Variants in CSMD1 observed in about 807,000 individuals in gnomAD.
CSMD1 encodes the protein CUB and sushi domain-containing protein 1.
CSMD1 carries 213 observed loss-of-function variants against 417.5 expected under a neutral mutation model. That is an observed-to-expected ratio of 0.51 (90% CI 0.46 to 0.57). The LOEUF (loss-of-function observed/expected upper bound fraction) is 0.57, where lower values mean the gene tolerates loss of function less well. Among genes scored for constraint, CSMD1 ranks in the 20% least tolerant of loss-of-function variants. The pLI, the probability that CSMD1 is intolerant of heterozygous loss-of-function variation, is 0.00. For synonymous variants in CSMD1, 2,862 were observed against 1,736.8 expected, an observed-to-expected ratio of 1.65 and a Z score of -16.11; for missense variants, 6,923 against 4,529.7, an observed-to-expected ratio of 1.53 and a Z score of -15.17.
At chr8:3,792,597 C>T (rs1799812160) in intron 5 of CSMD1, among the ~76,000 whole-genome samples, 1 of 152,150 alleles carries the variant, frequency 6.6e-6, no homozygotes, top group African/African-American at 2.4e-5. Flanking sequence ...ATACCTTCCT[C>T]TTCCTTTCAC....
intron 5 of CSMD1, among the ~76,000 whole-genome samples, chr8:3,900,363 ACAGCT>A (rs1004210601): frequency 1.4e-5 from 2 of 142,022 alleles, no homozygotes; most frequent in African/African-American, 5.4e-5. Flanking sequence ...GGTTGACAGC[ACAGCT>A]GTGTGACAGT....
intron 2 of CSMD1, among the ~76,000 whole-genome samples, chr8:4,466,715 A>G (rs546022092): frequency 2.0e-5 from 3 of 152,296 alleles, no homozygotes; most frequent in East Asian, 3.9e-4. Context: ...AAATTTTAAA[A>G]TGGTGTACAA....
intron 1 of CSMD1, among the ~76,000 whole-genome samples, chr8:4,647,295 G>T (rs1256292154): frequency 6.7e-6 from 1 of 150,230 alleles, no homozygotes; most frequent in South Asian, 2.1e-4. Flanking sequence ...TGCACAAACT[G>T]CAGGTTTGTT....
At chr8:4,750,180 T>C (rs1276925175) in intron 1 of CSMD1, among the ~76,000 whole-genome samples, 1 of 151,972 alleles carries the variant, frequency 6.6e-6, no homozygotes, top group East Asian at 1.9e-4. Context: ...TAATTTTTTT[T>C]GTATTTTTAG....
intron 14 of CSMD1, among the ~76,000 whole-genome samples, 183 bp downstream of exon 14, chr8:3,407,716 C>A (rs58959537): frequency 0.061 from 9,335 of 152,220 alleles, 339 homozygotes; most frequent in East Asian, 0.16. Context: ...TATCTAAATA[C>A]AGTGATACAT....
chr8:3,422,509 G>A (rs150131693), intron 12 of CSMD1, among the ~76,000 whole-genome samples: 1 of 152,098 alleles, frequency 6.6e-6, no homozygotes, highest in African/African-American at 2.4e-5. Context: ...ATTTTAAAAG[G>A]TATACTACTG....
rs759278450 is a variant in CSMD1 at position 4,865,704 on chromosome 8, G to C, written c.85+128628C>G. Among the ~76,000 whole-genome samples the C allele has an allele frequency of 2.0e-5, 3 of 151,684 alleles. No homozygotes were observed. The East Asian group carries it at 5.8e-4, about 29-fold the overall frequency. On this transcript the variant is annotated intron_variant, in intron 1 of 69. Transcript: ENST00000635120. The stretch of plus-strand genomic sequence containing the variant: ...AGGGGTACTTCCATCAATCAGATTT[G>C]TTCTAATGCAAAATGTATCTAAATT...
intron 1 of CSMD1, among the ~76,000 whole-genome samples, chr8:4,693,133 G>C (rs932281779): frequency 1.3e-5 from 2 of 152,172 alleles, no homozygotes; most frequent in Admixed American, 6.5e-5. Flanking sequence ...CTGAGTGTCA[G>C]GGTTGCTCTC....
At chr8:3,697,049 G>A (rs537089677) in intron 7 of CSMD1, among the ~76,000 whole-genome samples, 2 of 152,298 alleles carry the variant, frequency 1.3e-5, no homozygotes, top group South Asian at 2.1e-4. Flanking sequence ...ATTGAGGGCA[G>A]ACACAAGGTA....
intron 28 of CSMD1, among the ~76,000 whole-genome samples, chr8:3,221,998 C>T (rs1008339925): frequency 6.6e-6 from 1 of 152,152 alleles, no homozygotes; most frequent in Non-Finnish European, 1.5e-5. Context: ...GCTGGACATC[C>T]TCATCCCCTA....
At chr8:4,890,775 T>C (rs1299288777) in intron 1 of CSMD1, among the ~76,000 whole-genome samples, 1 of 152,048 alleles carries the variant, frequency 6.6e-6, no homozygotes, top group Non-Finnish European at 1.5e-5. Flanking sequence ...GCGCAATCAC[T>C]TTTGCACCGA....
chr8:3,548,629 C>A (rs912794264), intron 10 of CSMD1, among the ~76,000 whole-genome samples: 1 of 149,012 alleles, frequency 6.7e-6, no homozygotes, highest in African/African-American at 2.5e-5. Flanking sequence ...ATTAATTCAA[C>A]CCTTTTCACG....
chr8:4,672,847 G>A (rs774053733), intron 1 of CSMD1, among the ~76,000 whole-genome samples: 9 of 151,924 alleles, frequency 5.9e-5, no homozygotes, highest in Non-Finnish European at 1.0e-4. Flanking sequence ...ATGTAGTGAC[G>A]TACACATATG....
intron 47 of CSMD1, among the ~76,000 whole-genome samples, chr8:3,092,435 A>T (rs1815007572): frequency 6.6e-6 from 1 of 152,222 alleles, no homozygotes; most frequent in Admixed American, 6.5e-5. Context: ...AAACATGCAT[A>T]ACCATGACCC....
chr8:3,244,683 C>A (rs1285107014), intron 26 of CSMD1, among the ~76,000 whole-genome samples: 1 of 152,254 alleles, frequency 6.6e-6, no homozygotes, highest in African/African-American at 2.4e-5. Flanking sequence ...ACAATCTGAG[C>A]CCTTTATCAC....
At position 3,826,797 on chromosome 8, in the gene CSMD1, AT is replaced by A. The variant is rs571655544; in HGVS notation, c.819-72756del. Among the ~76,000 whole-genome samples, 1,404 of 152,108 alleles carry A rather than the reference AT, an allele frequency of 9.2e-3. 33 individuals are homozygous for A. The highest frequency in any genetic ancestry group is 0.031 in the African/African-American group (1,271 of 41,486). On this transcript the variant is annotated intron_variant, in intron 5 of 69. Coordinates refer to ENST00000635120, the MANE Select transcript of CSMD1 (RefSeq NM_033225.6). Reference sequence around the variant, plus strand: ...ATTTTTATTTATTTTTAATTTTAATATTTTTTTGAGACAGGGTCTCACTCTG... The same window carrying A: ...ATTTTTATTTATTTTTAATTTTAATATTTTTTGAGACAGGGTCTCACTCTG...
chr8:4,786,855 C>A (rs1252138594), intron 1 of CSMD1, among the ~76,000 whole-genome samples: 1 of 152,030 alleles, frequency 6.6e-6, no homozygotes, highest in African/African-American at 2.4e-5. Flanking sequence ...ATGATACTTC[C>A]AAGAAAATAG....
intron 10 of CSMD1, among the ~76,000 whole-genome samples, chr8:3,553,407 C>G (rs547885524): frequency 4.6e-5 from 7 of 152,256 alleles, no homozygotes; most frequent in African/African-American, 1.4e-4. Flanking sequence ...ACAGACCCAG[C>G]TGATTCATGA....
intron 1 of CSMD1, among the ~76,000 whole-genome samples, chr8:4,835,299 T>A (rs568344091): frequency 2.8e-4 from 43 of 152,174 alleles, no homozygotes; most frequent in African/African-American, 1.0e-3. Context: ...GGAGATTACG[T>A]TTGAAAAGAG....
Sources: allele counts gnomAD v4.1 joint callset (sites outside exome capture counted in the v4.1 genomes callset), GRCh38; gene constraint gnomAD v4.1.1; transcripts MANE v1.5; gene names NCBI Gene and HGNC (gene_info 2026-07-23, HGNC 2026-07-21).